Variants in SP110 observed in about 807,000 individuals in gnomAD.
The protein encoded by SP110 is SP110 nuclear body protein.
A neutral mutation model predicts 92.7 loss-of-function variants in SP110; 62 were observed. The ratio of observed to expected loss-of-function variants is 0.67; its 90% confidence interval spans 0.55 to 0.83. The LOEUF is 0.83. SP110 is among the 40% of genes least tolerant of loss of function. SP110 has a pLI of 0.00. For missense variants in SP110, 793 were observed against 863.9 expected, an observed-to-expected ratio of 0.92 and a Z score of 1.03; for synonymous variants, 273 against 305.3, an observed-to-expected ratio of 0.89 and a Z score of 1.10.
At chr2:230,191,484 A>G (rs900616998) in intron 10 of SP110, among the ~76,000 whole-genome samples, 8 of 152,228 alleles carry the variant, frequency 5.3e-5, no homozygotes, top group African/African-American at 1.2e-4. Context: ...ACAAACTACC[A>G]TCAGAGAATA....
rs146942931 is a variant in SP110 at position 230,171,709 on chromosome 2, C to T, written c.1874G>A (p.Gly625Asp). Reference sequence around the variant, plus strand: ...AATGTGACTTACATTAAATGGGATGCCCGTAAAAAAGGAGCTTTGTGGATG... The same window carrying T: ...AATGTGACTTACATTAAATGGGATGTCCGTAAAAAAGGAGCTTTGTGGATG... Reference protein sequence around the residue: ...YCHPQSSFFTGIPFNIRDYGE... With the variant: ...YCHPQSSFFTDIPFNIRDYGE... Residue 625 changes from glycine to aspartate, a missense_variant, in exon 17 of 19, where the codon GGC (glycine) becomes GAC (aspartate). Physicochemically the swap from Gly to Asp is moderately conservative, Grantham distance 94 (BLOSUM62 -1). Transcript: ENST00000258381. 2.7e-5 allele frequency: 44 copies of T among 1,612,750 alleles called. 1 individual carries two copies. In the Admixed American group the frequency reaches 4.8e-4, roughly 18 times the overall value.
intron 17 of SP110, 102 bp from the exon 18 acceptor site, chr2:230,170,863 A>T (rs1223822663): frequency 8.2e-7 from 1 of 1,222,646 alleles, no homozygotes; most frequent in East Asian, 2.4e-5. Context: ...GGTCATAATG[A>T]TAATACCATT....
chr2:230,169,386 G>A (rs2078373344), intron 18 of SP110, 149 bp from the exon 19 acceptor site: 1 of 676,694 alleles, frequency 1.5e-6, no homozygotes, highest in South Asian at 1.5e-5. Flanking sequence ...ATGGCTCACT[G>A]CAGCCTTGAA....
intron 2 of SP110, 58 bp from the exon 3 acceptor site, chr2:230,215,176 A>G: frequency 1.5e-6 from 2 of 1,372,800 alleles, no homozygotes; most frequent in Non-Finnish European, 1.0e-6. Flanking sequence ...GGGAAGTTAT[A>G]CATTTATGGT....
At chr2:230,223,035 C>G (rs994932946), upstream of SP110, among the ~76,000 whole-genome samples, 5 of 146,966 alleles carry the variant, frequency 3.4e-5, no homozygotes, top group Non-Finnish European at 7.6e-5. Context: ...ATCAATCAGT[C>G]TGACTTTTTT....
intron 2 of SP110, among the ~76,000 whole-genome samples, chr2:230,216,290 T>G (rs1292807848): frequency 2.0e-5 from 3 of 152,218 alleles, no homozygotes; most frequent in African/African-American, 4.8e-5. Flanking sequence ...AAAATCATCT[T>G]TGATTAGGGT....
chr2:230,223,068 C>T (rs577411831), upstream of SP110, among the ~76,000 whole-genome samples: 68 of 149,114 alleles, frequency 4.6e-4, no homozygotes, highest in Non-Finnish European at 7.1e-4. Context: ...GACAGAGTCA[C>T]GGTCTGTCTC....
intron 2 of SP110, 138 bp downstream of exon 2, chr2:230,216,643 C>T: frequency 1.9e-6 from 2 of 1,030,264 alleles, no homozygotes; most frequent in African/African-American, 3.1e-5. Flanking sequence ...CTAACTACCC[C>T]CACCTTCTGT....
rs186946739 is a variant in SP110, at chr2:230,166,828, A to G, written c.*2296T>C. Among the ~76,000 whole-genome samples, 69 of 152,306 alleles carry G rather than the reference A, an allele frequency of 4.5e-4. No individual in the cohort carries two copies. The highest frequency in any genetic ancestry group is 1.6e-3 in the African/African-American group (68 of 41,562). On this transcript the variant is annotated 3_prime_UTR_variant, in exon 19 of 19. Coordinates refer to ENST00000258381, the MANE Select transcript of SP110 (RefSeq NM_080424.4). ...GGTGTATCATACATATAAATCATGT[A>G]TCAAGGAAAATTTCCTGCCCTGGGA...
chr2:230,199,212 T>TC (rs1431809508), intron 10 of SP110, among the ~76,000 whole-genome samples: 1 of 139,404 alleles, frequency 7.2e-6, no homozygotes, highest in East Asian at 2.0e-4. Flanking sequence ...CCTCTTTTTT[T>TC]TTTTTTTTTT....
Position 230,211,620 on chromosome 2 carries a change from G to T in SP110, c.668-67C>A. The T allele has an allele frequency of 1.0e-6, 1 of 956,100 alleles. No individual in the cohort carries two copies. Among genetic ancestry groups the T allele is most frequent in the Non-Finnish European group, 1.7e-6 (1 of 580,990 alleles). The allele number at this position is 956,100 out of a possible 1,614,324, so 59.2% of individuals were successfully genotyped here. A position where few individuals can be genotyped will look rare whatever the true frequency, so the allele number is the denominator to read the frequency against. On this transcript the variant is annotated intron_variant, in intron 5 of 18. Transcript: ENST00000258381. The surrounding 1 kb of genome is among the most constrained non-coding windows in gnomAD (Gnocchi z 4.2). ...AGCAGGGACCAGAATGAGGAGAAAAGAGAATGCTCTATTCCAACAAGTAAA... is the reference window on the plus strand; with the variant it reads ...AGCAGGGACCAGAATGAGGAGAAAATAGAATGCTCTATTCCAACAAGTAAA...
chr2:230,207,428 T>A (rs2043991963), intron 8 of SP110, among the ~76,000 whole-genome samples: 1 of 152,176 alleles, frequency 6.6e-6, no homozygotes, highest in African/African-American at 2.4e-5. Context: ...GAGATACCAA[T>A]GCAAGTGGAG....
intron 12 of SP110, 71 bp from the exon 13 acceptor site, chr2:230,178,326 A>G (rs1228228333): frequency 3.5e-6 from 3 of 857,428 alleles, no homozygotes; most frequent in African/African-American, 1.7e-5. Flanking sequence ...TCTCCCCTCC[A>G]TGAATTCCAA....
chr2:230,225,067 G>A (rs1215136186), intron 1 of SP110, among the ~76,000 whole-genome samples: 1 of 152,164 alleles, frequency 6.6e-6, no homozygotes, highest in Non-Finnish European at 1.5e-5. Context: ...TGAAGGTCTA[G>A]ATAATCTCAG....
chr2:230,187,724 C>G (rs1366572248), intron 10 of SP110, among the ~76,000 whole-genome samples: 1 of 152,102 alleles, frequency 6.6e-6, no homozygotes, highest in African/African-American at 2.4e-5. Flanking sequence ...AACCAGTTTT[C>G]CCAGCACCAT....
At chr2:230,184,511 T>C (rs2042268322) in intron 11 of SP110, among the ~76,000 whole-genome samples, 1 of 152,202 alleles carries the variant, frequency 6.6e-6, no homozygotes, top group Non-Finnish European at 1.5e-5. Context: ...CAAAGAATTA[T>C]TCAGTCCAAA....
chr2:230,170,693 C>G lies in SP110; in HGVS notation c.1956G>C (p.Thr652=). The stretch of plus-strand genomic sequence containing the variant: ...CAAACCATGCCACCGTGTACATTTC[C>G]GTAATCAGCCTTTCCTTAACCAGGT... ...WLDLVKERLI[T]EMYTVAWFVR... is the part of the protein sequence containing the mutation. Residue 652 remains threonine, a synonymous_variant, in exon 18 of 19, where the codon ACG becomes ACC. Coordinates refer to ENST00000258381, the MANE Select transcript of SP110 (RefSeq NM_080424.4). The G allele has an allele frequency of 6.2e-7, 1 of 1,614,088 alleles. No individual in the cohort carries two copies. Among genetic ancestry groups the G allele is most frequent in the Non-Finnish European group, 8.5e-7 (1 of 1,179,978 alleles).
intron 2 of SP110, among the ~76,000 whole-genome samples, chr2:230,215,439 A>G (rs2045024413): frequency 6.6e-6 from 1 of 152,226 alleles, no homozygotes; most frequent in Admixed American, 6.5e-5. Flanking sequence ...AAAGGATGCT[A>G]CTATGTAATT....
At chr2:230,175,395 A>AC (rs397824614) in intron 14 of SP110, among the ~76,000 whole-genome samples, 16 of 152,170 alleles carry the variant, frequency 1.1e-4, no homozygotes, top group Non-Finnish European at 2.1e-4. Context: ...TTAAAAAAAA[A>AC]CCATTCTGTA....
Sources: gnomAD v4.1 joint callset for allele counts (sites outside exome capture counted in the v4.1 genomes callset) on GRCh38, gnomAD v4.1.1 for gene constraint, Gnocchi (gnomAD v3.1) non-coding constraint, MANE v1.5 for transcripts, NCBI Gene and HGNC (gene_info 2026-07-23, HGNC 2026-07-21) for gene names.